The following CHSY3 variants were observed in gnomAD, a reference collection of about 807,000 sequenced individuals.
CHSY3 encodes N-acetylgalactosaminyl-proteoglycan 3-beta-glucuronosyltransferase 3.
Under a neutral mutation model 67.2 loss-of-function variants are expected in CHSY3, and 35 were observed. The ratio of observed to expected loss-of-function variants is 0.52; its 90% CI spans 0.40 to 0.69. The LOEUF (loss-of-function observed/expected upper bound fraction) is 0.69. Ranked by LOEUF, CHSY3 falls within the 30% of genes least tolerant of loss-of-function variation. The pLI, the probability that CHSY3 is intolerant of heterozygous loss-of-function variation, is 0.00. For missense variants in CHSY3, 1,069 were observed against 1,138.5 expected (o/e 0.94, Z 0.88); for synonymous variants, 474 against 434.7 (o/e 1.09, Z -1.12).
At chr5:129,939,937 T>A (rs1448658831) in intron 2 of CHSY3, among the ~76,000 whole-genome samples, 1 of 152,184 alleles carries the variant, frequency 6.6e-6, no homozygotes, top group Non-Finnish European at 1.5e-5. Context: ...CTAGGGAACA[T>A]TGTATGTTAT....
chr5:130,030,210 A>G (rs533683396), intron 2 of CHSY3, among the ~76,000 whole-genome samples: 14 of 152,096 alleles, frequency 9.2e-5, no homozygotes, highest in Admixed American at 2.6e-4. Context: ...TTTTGTTCTA[A>G]TGAACTGAAA....
chr5:129,948,739 T>G (rs1263354163), intron 2 of CHSY3, among the ~76,000 whole-genome samples: 1 of 152,224 alleles, frequency 6.6e-6, no homozygotes, highest in Non-Finnish European at 1.5e-5. Context: ...AGTTCTACTT[T>G]TAGTTCTTTA....
At chr5:130,029,738 G>A (rs1764653596) in intron 2 of CHSY3, among the ~76,000 whole-genome samples, 1 of 151,924 alleles carries the variant, frequency 6.6e-6, no homozygotes, top group Non-Finnish European at 1.5e-5. Context: ...CAGAACTTCA[G>A]TAACATAATC....
intron 2 of CHSY3, chr5:130,141,022 T>G: frequency 3.2e-6 from 1 of 312,088 alleles, no homozygotes; most frequent in Non-Finnish European, 5.1e-6. Flanking sequence ...AGATCCATGA[T>G]ATTGTCCTGG....
At chr5:129,934,010 A>T (rs1761408263) in intron 2 of CHSY3, among the ~76,000 whole-genome samples, 1 of 149,226 alleles carries the variant, frequency 6.7e-6, no homozygotes, top group South Asian at 2.1e-4. Flanking sequence ...TGACCTAACA[A>T]TGCCACTTTT....
intron 2 of CHSY3, among the ~76,000 whole-genome samples, chr5:130,089,658 C>T (rs1371155683): frequency 1.3e-5 from 2 of 152,122 alleles, no homozygotes; most frequent in African/African-American, 4.8e-5. Flanking sequence ...AAACATGATA[C>T]ATGAAACATG....
At chr5:130,018,713 A>G (rs1379572155) in intron 2 of CHSY3, among the ~76,000 whole-genome samples, 9 of 152,136 alleles carry the variant, frequency 5.9e-5, no homozygotes, top group African/African-American at 2.2e-4. Flanking sequence ...GTTTGTCCGC[A>G]CCAAATCTTA....
chr5:129,923,540 G>C lies in CHSY3; in HGVS notation c.1086+15180G>C, dbSNP rs536552976. On this transcript the variant is annotated intron_variant, in intron 2 of 2. Transcript: ENST00000305031. ...ATGGGAAAGACAAAATATAAGCAGG[G>C]GAAATGAATGCAGGGTGGTAGGTGT... Among the ~76,000 whole-genome samples, 32 of 152,224 alleles carry C rather than the reference G, an allele frequency of 2.1e-4. No homozygotes were observed. The South Asian group carries it at 6.0e-3, about 29-fold the overall frequency.
chr5:130,098,327 A>G (rs1767118562), intron 2 of CHSY3, among the ~76,000 whole-genome samples: 1 of 152,158 alleles, frequency 6.6e-6, no homozygotes, highest in Admixed American at 6.5e-5. Context: ...TCTTTCTCCT[A>G]TAACTTGGAA....
chr5:129,946,123 T>C (rs1761848363), intron 2 of CHSY3, among the ~76,000 whole-genome samples: 1 of 152,224 alleles, frequency 6.6e-6, no homozygotes, highest in South Asian at 2.1e-4. Context: ...ATATTCTTAC[T>C]TTGTTCACCA....
At chr5:130,164,354 A>G (rs1288794337) in intron 2 of CHSY3, among the ~76,000 whole-genome samples, 1 of 152,218 alleles carries the variant, frequency 6.6e-6, no homozygotes, top group Non-Finnish European at 1.5e-5. Flanking sequence ...ACGCGGGAAG[A>G]GGAAGAAAGG....
At chr5:129,993,106 T>C (rs1763417698) in intron 2 of CHSY3, among the ~76,000 whole-genome samples, 1 of 152,282 alleles carries the variant, frequency 6.6e-6, no homozygotes, top group East Asian at 1.9e-4. Flanking sequence ...GGTACTGTTA[T>C]GTGCTATTTC....
In CHSY3 at chr5:129,930,252, G is replaced by T. The variant is rs566712512; in HGVS notation, c.1086+21892G>T. On this transcript the variant is annotated intron_variant, in intron 2 of 2. Coordinates refer to ENST00000305031, the MANE Select transcript of CHSY3 (RefSeq NM_175856.5). ...GGAGGTTGAGGCAAGAGAATCATTT[G>T]CACCCAGGATGCAGAGGTTGCAGTG... is the stretch of plus-strand genomic sequence containing the variant. Among the ~76,000 whole-genome samples, 265 of 151,208 alleles carry T rather than the reference G, an allele frequency of 1.8e-3. 2 individuals are homozygous for T. The highest frequency in any genetic ancestry group is 6.2e-3 in the African/African-American group (257 of 41,158).
intron 2 of CHSY3, among the ~76,000 whole-genome samples, chr5:129,919,252 T>TGC (rs376882455): frequency 8.3e-4 from 127 of 152,138 alleles, no homozygotes; most frequent in Admixed American, 2.0e-3. Context: ...TACCAACTGT[T>TGC]CAGAGAAGAA....
chr5:130,096,698 AT>A (rs1052494388), intron 2 of CHSY3, among the ~76,000 whole-genome samples: 2 of 151,698 alleles, frequency 1.3e-5, no homozygotes, highest in Middle Eastern at 3.4e-3. Context: ...GTTGCCAACC[AT>A]TTTTTTTAGT....
chr5:130,182,675 G>A lies in CHSY3; in HGVS notation c.1087-1554G>A, dbSNP rs2863826. On this transcript the variant is annotated intron_variant, in intron 2 of 2. Coordinates refer to ENST00000305031, the MANE Select transcript of CHSY3 (RefSeq NM_175856.5). ...ACAGGTCATCCATTGTAGGATGTAG[G>A]GGATCCGTTTTTACTTTTTTCCCTT... Among the ~76,000 whole-genome samples, 13 of 151,932 alleles carry A rather than the reference G, an allele frequency of 8.6e-5. No individual in the cohort carries two copies. In the East Asian group the frequency reaches 1.4e-3, roughly 16 times the overall value.
chr5:130,093,195 A>G (rs1418951939), intron 2 of CHSY3, among the ~76,000 whole-genome samples: 1 of 152,182 alleles, frequency 6.6e-6, no homozygotes, highest in Non-Finnish European at 1.5e-5. Flanking sequence ...AATTCCTAGA[A>G]ATACAAAGAT....
chr5:130,102,599 G>A (rs1013742323), intron 2 of CHSY3, among the ~76,000 whole-genome samples: 1 of 151,986 alleles, frequency 6.6e-6, no homozygotes, highest in African/African-American at 2.4e-5. Flanking sequence ...GATGGGGCTA[G>A]TCACATTACC....
chr5:129,999,204 G>A (rs1231390407), intron 2 of CHSY3, among the ~76,000 whole-genome samples: 6 of 144,360 alleles, frequency 4.2e-5, no homozygotes, highest in African/African-American at 7.7e-5. Flanking sequence ...TTTTCTATAC[G>A]TTGAGATGGT....
Sources: allele counts gnomAD v4.1 joint callset (sites outside exome capture counted in the v4.1 genomes callset), GRCh38; gene constraint gnomAD v4.1.1; transcripts MANE v1.5; gene names NCBI Gene and HGNC (gene_info 2026-07-23, HGNC 2026-07-21).